Variants in LHFPL6 observed in about 807,000 individuals in gnomAD.
LHFPL6 encodes the protein LHFPL tetraspan subfamily member 6.
Under a neutral mutation model 20.6 loss-of-function variants are expected in LHFPL6, and 9 were observed. The observed-to-expected ratio is 0.44, with a 90% CI of 0.26 to 0.76. The LOEUF is 0.76. LHFPL6 is among the 30% of genes least tolerant of loss of function. The pLI is 0.20. For synonymous variants in LHFPL6, 105 were observed against 98.7 expected, an observed-to-expected ratio of 1.06 and a Z score of -0.38; for missense variants, 218 against 253.5, an observed-to-expected ratio of 0.86 and a Z score of 0.95.
At position 39,378,222 on chromosome 13, in the gene LHFPL6, C is replaced by T. The variant is rs58750915; in HGVS notation, c.484+206G>A. Among the ~76,000 whole-genome samples the T allele has an allele frequency of 6.4e-3, 970 of 152,256 alleles. 48 individuals are homozygous for T. The East Asian group carries it at 0.12, about 20-fold the overall frequency. ...GGGCCATTTCTTATCTTTGTATCTA[C>T]AATACTCATCATAGTACTGAGCAAA... On this transcript the variant is annotated intron_variant, in intron 3 of 3. Coordinates refer to ENST00000379589, the MANE Select transcript of LHFPL6 (RefSeq NM_005780.3).
rs371843833 is a variant in LHFPL6, at chr13:39,564,157, G to A, written c.385+36675C>T. ...TTCAAAAGAAATACAGCACAGATTT[G>A]GCCAAATCCGCAGACAAATTGTCAA... On this transcript the variant is annotated intron_variant, in intron 2 of 3. Transcript: ENST00000379589. 8.5e-5 allele frequency among the ~76,000 whole-genome samples: 13 copies of A among 152,056 alleles called. 1 individual carries two copies. In the East Asian group the frequency reaches 1.9e-3, roughly 23 times the overall value.
At chr13:39,529,631 T>C (rs1188648980) in intron 2 of LHFPL6, among the ~76,000 whole-genome samples, 4 of 152,180 alleles carry the variant, frequency 2.6e-5, no homozygotes, top group African/African-American at 9.7e-5. Flanking sequence ...ATAAACTTTG[T>C]TGGGCTGATT....
At chr13:39,518,688 C>A (rs1256969721) in intron 2 of LHFPL6, among the ~76,000 whole-genome samples, 1 of 152,150 alleles carries the variant, frequency 6.6e-6, no homozygotes. Context: ...AATAGTATTT[C>A]TCAGCTTTTG....
At chr13:39,514,604 C>T (rs1869838900) in intron 2 of LHFPL6, among the ~76,000 whole-genome samples, 1 of 152,188 alleles carries the variant, frequency 6.6e-6, no homozygotes, top group African/African-American at 2.4e-5. Flanking sequence ...CCAAACTCCA[C>T]CTGGGCAGTG....
chr13:39,550,776 C>A (rs890160730), intron 2 of LHFPL6, among the ~76,000 whole-genome samples: 1 of 152,132 alleles, frequency 6.6e-6, no homozygotes, highest in Non-Finnish European at 1.5e-5. Flanking sequence ...ATGGGCTTTA[C>A]ATTCTGAAAA....
At chr13:39,507,098 T>C (rs1231472329) in intron 2 of LHFPL6, among the ~76,000 whole-genome samples, 1 of 152,238 alleles carries the variant, frequency 6.6e-6, no homozygotes, top group Non-Finnish European at 1.5e-5. Flanking sequence ...AAATGCATTC[T>C]AGCTTACTGG....
rs8000604 is a variant in LHFPL6, at chr13:39,360,089, C to G, written c.485-16035G>C. ...AGGTTGGAGTGCAGTGGCACGATCT[C>G]TGCTCACTGCAAGCTCTGCCTCCCA... On this transcript the variant is annotated intron_variant, in intron 3 of 3. Coordinates refer to ENST00000379589, the MANE Select transcript of LHFPL6 (RefSeq NM_005780.3). Among the ~76,000 whole-genome samples, 829 of 89,464 alleles carry G rather than the reference C, an allele frequency of 9.3e-3. 109 individuals carry two copies. The highest frequency in any genetic ancestry group is 0.025 in the African/African-American group (742 of 29,514). 58.7% of individuals were successfully genotyped at this position (89,464 alleles called of 152,430 possible).
intron 2 of LHFPL6, among the ~76,000 whole-genome samples, chr13:39,480,672 A>G (rs913889782): frequency 3.3e-5 from 5 of 152,314 alleles, no homozygotes; most frequent in Middle Eastern, 3.4e-3. Context: ...TTACTCAAGA[A>G]AAACTTGTGT....
chr13:39,449,397 G>T (rs573571189), intron 2 of LHFPL6, among the ~76,000 whole-genome samples: 215 of 152,324 alleles, frequency 1.4e-3, no homozygotes, highest in Non-Finnish European at 2.2e-3. Context: ...TCAAGGGTGT[G>T]AATGGATATG....
intron 2 of LHFPL6, among the ~76,000 whole-genome samples, chr13:39,541,707 T>C (rs1870805200): frequency 6.6e-6 from 1 of 152,192 alleles, no homozygotes. Flanking sequence ...TATGATATGC[T>C]ACAGAGCAGG....
At chr13:39,459,628 G>T (rs1389657519) in intron 2 of LHFPL6, among the ~76,000 whole-genome samples, 2 of 152,040 alleles carry the variant, frequency 1.3e-5, no homozygotes, top group African/African-American at 4.8e-5. Context: ...AAACCTTTGG[G>T]ATATGACATT....
chr13:39,458,419 A>G (rs2012553), intron 2 of LHFPL6, among the ~76,000 whole-genome samples: 84,054 of 152,026 alleles, frequency 0.55, 24,446 homozygotes, highest in East Asian at 0.9. Context: ...CAAGCAAGCC[A>G]GGCGCGGTGG....
intron 3 of LHFPL6, among the ~76,000 whole-genome samples, chr13:39,376,271 C>T (rs573832324): frequency 2.6e-5 from 4 of 152,148 alleles, no homozygotes; most frequent in Non-Finnish European, 5.9e-5. Flanking sequence ...ATGCCAAGCA[C>T]TGTATTAAAA....
At chr13:39,363,056 A>T (rs941245548) in intron 3 of LHFPL6, among the ~76,000 whole-genome samples, 3 of 152,196 alleles carry the variant, frequency 2.0e-5, no homozygotes, top group African/African-American at 7.2e-5. Flanking sequence ...TTTCCCACTG[A>T]AAAAAGGGGT....
chr13:39,446,863 T>C (rs559400419), intron 2 of LHFPL6, among the ~76,000 whole-genome samples: 1 of 152,262 alleles, frequency 6.6e-6, no homozygotes, highest in South Asian at 2.1e-4. Context: ...TCATAATCAA[T>C]AACACAACTT....
At chr13:39,496,964 A>C (rs949900316) in intron 2 of LHFPL6, among the ~76,000 whole-genome samples, 1 of 152,198 alleles carries the variant, frequency 6.6e-6, no homozygotes, top group Non-Finnish European at 1.5e-5. Context: ...TACTAAAATC[A>C]TAACACTCTG....
intron 2 of LHFPL6, among the ~76,000 whole-genome samples, chr13:39,387,980 T>C (rs1198788927): frequency 6.6e-6 from 1 of 152,064 alleles, no homozygotes. Context: ...AGAACCCCAG[T>C]TGTGAGCGCT....
chr13:39,597,489 A>T (rs1319213603), intron 2 of LHFPL6, among the ~76,000 whole-genome samples: 1 of 152,232 alleles, frequency 6.6e-6, no homozygotes, highest in Non-Finnish European at 1.5e-5. Context: ...AATCAAAAAC[A>T]TTAAAGCCTC....
At chr13:39,438,722 A>G (rs1178971616) in intron 2 of LHFPL6, among the ~76,000 whole-genome samples, 2 of 152,246 alleles carry the variant, frequency 1.3e-5, no homozygotes, top group Non-Finnish European at 2.9e-5. Flanking sequence ...CTGTGGTTCA[A>G]AGGGGCCCAG....
Sources: gnomAD v4.1 joint callset for allele counts (sites outside exome capture counted in the v4.1 genomes callset) on GRCh38, gnomAD v4.1.1 for gene constraint, MANE v1.5 for transcripts, NCBI Gene and HGNC (gene_info 2026-07-23, HGNC 2026-07-21) for gene names.